The following DIO1 variants were observed in gnomAD, a reference collection of about 807,000 sequenced individuals.
DIO1 encodes the protein iodothyronine deiodinase 1.
A neutral mutation model predicts 25.9 loss-of-function variants in DIO1; 17 were observed. The ratio of observed to expected loss-of-function variants is 0.66; its 90% confidence interval spans 0.45 to 0.98. DIO1 has a LOEUF of 0.98. DIO1 is among the 50% of genes least tolerant of loss of function. The pLI, the probability that DIO1 is intolerant of heterozygous loss-of-function variation, is 0.00. For synonymous variants in DIO1, 115 were observed against 114.0 expected (o/e 1.01, Z -0.05); for missense variants, 270 against 310.4 (o/e 0.87, Z 0.98).
At chr1:53,899,045 C>T (rs558084679) in intron 1 of DIO1, among the ~76,000 whole-genome samples, 35 of 152,182 alleles carry the variant, frequency 2.3e-4, no homozygotes, top group Non-Finnish European at 4.1e-4. Context: ...CTCAGGGAAA[C>T]TCTCAGCCAC....
chr1:53,903,620 C>T lies in DIO1; in HGVS notation c.338-1046C>T, dbSNP rs535724252. Reference sequence around the variant, plus strand: ...TCGCAGCACTTTGGGAGGCCGAGGCCGGCGGATCACTTGAGGTCAGGAGTC... The same window carrying T: ...TCGCAGCACTTTGGGAGGCCGAGGCTGGCGGATCACTTGAGGTCAGGAGTC... On this transcript the variant is annotated intron_variant, in intron 1 of 3. Coordinates refer to ENST00000361921, the MANE Select transcript of DIO1 (RefSeq NM_000792.7). Among the ~76,000 whole-genome samples, 162 of 151,778 alleles carry T rather than the reference C, an allele frequency of 1.1e-3. 7 individuals carry two copies. The highest frequency in any genetic ancestry group is 3.7e-3 in the African/African-American group (154 of 41,152).
intron 1 of DIO1, among the ~76,000 whole-genome samples, chr1:53,900,855 C>A (rs185115469): frequency 2.1e-4 from 32 of 152,214 alleles, no homozygotes; most frequent in Admixed American, 1.8e-3. Flanking sequence ...CATTCTGTGG[C>A]CCAGGCTGAA....
At chr1:53,895,427 T>TAA (rs141554001) in intron 1 of DIO1, among the ~76,000 whole-genome samples, 1 of 151,914 alleles carries the variant, frequency 6.6e-6, no homozygotes, top group African/African-American at 2.4e-5. Flanking sequence ...TGTCACAAAT[T>TAA]TAAAAAAGTC....
chr1:53,896,217 T>C (rs1402104138), intron 1 of DIO1, among the ~76,000 whole-genome samples: 4 of 110,374 alleles, frequency 3.6e-5, no homozygotes, highest in African/African-American at 1.2e-4. Context: ...TCTCTTTTTT[T>C]TTTTTTTTTT....
At chr1:53,905,593 T>C (rs1651612958) in intron 2 of DIO1, among the ~76,000 whole-genome samples, 1 of 152,208 alleles carries the variant, frequency 6.6e-6, no homozygotes, top group Non-Finnish European at 1.5e-5. Context: ...CTGGGTCCCA[T>C]TTCTAGTCCA....
chr1:53,904,836 A>G lies in DIO1; in HGVS notation c.481+27A>G, dbSNP rs376673558. ...TACAGAAAGATTCTCTGCCTCTTCT[A>G]CCTCTTCCCACTGTCTTTTCTCTCT... On this transcript the variant is annotated intron_variant, in intron 2 of 3. Coordinates refer to ENST00000361921, the MANE Select transcript of DIO1 (RefSeq NM_000792.7). 6.0e-5 allele frequency: 95 copies of G among 1,595,546 alleles called. No individual in the cohort carries two copies. The African/African-American group carries it at 1.2e-3, about 20-fold the overall frequency.
rs188553311 is a variant in DIO1, at chr1:53,900,925, C to T, written c.338-3741C>T. On this transcript the variant is annotated intron_variant, in intron 1 of 3. Coordinates refer to ENST00000361921, the MANE Select transcript of DIO1 (RefSeq NM_000792.7). ...AACCTCTTAGGCTTAATGGACGCTCCAGCCTCAGCCTCTTGAGTAGCTGGG... is the reference window on the plus strand; with the variant it reads ...AACCTCTTAGGCTTAATGGACGCTCTAGCCTCAGCCTCTTGAGTAGCTGGG... 2.2e-3 allele frequency among the ~76,000 whole-genome samples: 324 copies of T among 149,886 alleles called. 2 individuals are homozygous for T. Among genetic ancestry groups the T allele is most frequent in the South Asian group, 0.013 (63 of 4,680 alleles).
At chr1:53,896,627 C>T (rs6684508) in intron 1 of DIO1, among the ~76,000 whole-genome samples, 35,365 of 152,054 alleles carry the variant, frequency 0.23, 4,304 homozygotes, top group African/African-American at 0.29. Context: ...TACTATATCC[C>T]CCTCCTATGC....
chr1:53,903,775 G>A (rs1032352399), intron 1 of DIO1, among the ~76,000 whole-genome samples: 1 of 152,016 alleles, frequency 6.6e-6, no homozygotes, highest in Non-Finnish European at 1.5e-5. Flanking sequence ...CTTGAACCCC[G>A]GAGGCGGAGT....
At chr1:53,909,837 T>C (rs1651856337) in intron 3 of DIO1, 94 bp from the exon 4 acceptor site, 1 of 1,207,550 alleles carries the variant, frequency 8.3e-7, no homozygotes, top group South Asian at 1.2e-5. Context: ...AGACATCATT[T>C]GACCACCTCT....
intron 1 of DIO1, among the ~76,000 whole-genome samples, chr1:53,898,617 C>G (rs920669804): frequency 3.3e-5 from 5 of 151,886 alleles, no homozygotes; most frequent in African/African-American, 1.2e-4. Flanking sequence ...TCGTGGCATG[C>G]GCCTGTAATC....
At chr1:53,895,585 A>G (rs1400475081) in intron 1 of DIO1, among the ~76,000 whole-genome samples, 1 of 152,016 alleles carries the variant, frequency 6.6e-6, no homozygotes, top group Non-Finnish European at 1.5e-5. Flanking sequence ...TTGCCCACTC[A>G]GCCAGCCCAG....
At chr1:53,898,965 T>C (rs761974987) in intron 1 of DIO1, among the ~76,000 whole-genome samples, 1 of 152,146 alleles carries the variant, frequency 6.6e-6, no homozygotes, top group Non-Finnish European at 1.5e-5. Flanking sequence ...AGTGAGTTCT[T>C]AGAAGAGCCA....
intron 1 of DIO1, among the ~76,000 whole-genome samples, chr1:53,899,072 G>A (rs200419897): frequency 5.1e-4 from 78 of 152,168 alleles, no homozygotes; most frequent in East Asian, 5.0e-3. Context: ...CCCTCTGTGC[G>A]TCCACACACG....
At chr1:53,897,661 G>A (rs929529690) in intron 1 of DIO1, among the ~76,000 whole-genome samples, 2 of 152,000 alleles carry the variant, frequency 1.3e-5, no homozygotes, top group South Asian at 2.1e-4. Context: ...AGAACAGCCT[G>A]TGCAACAGAG....
chr1:53,900,006 G>C (rs10888818), intron 1 of DIO1, among the ~76,000 whole-genome samples: 3 of 152,032 alleles, frequency 2.0e-5, no homozygotes, highest in Non-Finnish European at 4.4e-5. Flanking sequence ...CTTGTCACAT[G>C]GGTGAGAAAT....
Position 53,894,361 on chromosome 1 carries a change from A to T in DIO1, c.151A>T (p.Thr51Ser), listed in dbSNP as rs1368986739. 6.2e-7 allele frequency: 1 copy of T among 1,614,188 alleles called. No individual in the cohort carries two copies. Residue 51 changes from threonine (T) to serine (S), a missense_variant, in exon 1 of 4, where the codon ACC (threonine) becomes TCC (serine). Coordinates refer to ENST00000361921, the MANE Select transcript of DIO1 (RefSeq NM_000792.7). The surrounding 1 kb of genome is among the most constrained non-coding windows in gnomAD (Gnocchi z 4.9). ...GGCCATGGGCGAGAAGACGGGTATG[A>T]CCAGGAACCCCCATTTCAGCCACGA... ...ILAMGEKTGMTRNPHFSHDNW... is the reference protein window; with the variant it reads ...ILAMGEKTGMSRNPHFSHDNW...
Position 53,906,203 on chromosome 1 carries a change from T to C in DIO1, c.590T>C (p.Val197Ala), listed in dbSNP as rs1468366519. Residue 197 changes from valine (V) to alanine (A), a missense_variant, in exon 3 of 4, where the codon GTG becomes GCG. Coordinates refer to ENST00000361921, the MANE Select transcript of DIO1 (RefSeq NM_000792.7). ...LLARSPQCPV[V>A]VDTMQNQSSQ... ...GCCAGGAGCCCCCAGTGCCCTGTGG[T>C]GGTGGACACCATGCAGAACCAGAGC... 6.2e-7 allele frequency: 1 copy of C among 1,614,052 alleles called. No homozygotes were observed. Among genetic ancestry groups the C allele is most frequent in the Admixed American group, 1.7e-5 (1 of 59,996 alleles).
intron 1 of DIO1, among the ~76,000 whole-genome samples, chr1:53,898,324 G>C (rs1381644901): frequency 6.6e-6 from 1 of 152,194 alleles, no homozygotes; most frequent in Admixed American, 6.5e-5. Context: ...GAGGCTGAAG[G>C]CATCATCAGG....
Sources: gnomAD v4.1 joint callset for allele counts (sites outside exome capture counted in the v4.1 genomes callset) on GRCh38, gnomAD v4.1.1 for gene constraint, Gnocchi (gnomAD v3.1) non-coding constraint, MANE v1.5 for transcripts, NCBI Gene and HGNC (gene_info 2026-07-23, HGNC 2026-07-21) for gene names.